MYL4: variants seen among roughly 807,000 people sequenced by gnomAD.
MYL4 encodes the protein atrial myosin light chain 1.
Under a neutral mutation model 21.6 loss-of-function variants are expected in MYL4, and 16 were observed. The ratio of observed to expected loss-of-function variants is 0.74; its 90% CI spans 0.50 to 1.12. MYL4 has a LOEUF of 1.12. Among genes scored for constraint, MYL4 ranks in the 50% most tolerant of loss-of-function variants. MYL4 has a pLI of 0.00. For synonymous variants in MYL4, 82 were observed against 95.7 expected (o/e 0.86, Z 0.83); for missense variants, 249 against 252.9 (o/e 0.98, Z 0.11).
At chr17:47,194,422 G>A in the MYL4 span, among the ~76,000 whole-genome samples, 1 of 152,190 alleles carries the variant, frequency 6.6e-6, no homozygotes, top group Non-Finnish European at 1.5e-5. Context: ...GAAAAAGGAA[G>A]GCCAGAGTGC....
chr17:47,213,267 A>C (rs903418253), intron 1 of MYL4, among the ~76,000 whole-genome samples: 44 of 152,190 alleles, frequency 2.9e-4, no homozygotes, highest in Admixed American at 2.8e-3. Flanking sequence ...GCCATCACTT[A>C]ATAAGCGGTA....
rs535742062 is a variant in MYL4, at chr17:47,222,391, A to G, written c.499A>G (p.Thr167Ala). The G allele has an allele frequency of 1.7e-5, 27 of 1,614,168 alleles. No homozygotes were observed. In the South Asian group the frequency reaches 2.9e-4, roughly 17 times the overall value. Residue 167 changes from threonine (T) to alanine (A), a missense_variant, in exon 5 of 7, where the codon ACT (threonine) becomes GCT (alanine). Thr to Ala is a moderately conservative substitution (Grantham distance 58). Transcript: ENST00000393450. Reference protein sequence around the residue: ...HVLATLGEKMTEAEVEQLLAG... With the variant: ...HVLATLGEKMAEAEVEQLLAG... The stretch of plus-strand genomic sequence containing the variant: ...CAAACCCACCGCAGGAGAGAAGATG[A>G]CTGAGGCTGAAGTGGAGCAGCTGTT...
chr17:47,189,677 G>A, the MYL4 span, among the ~76,000 whole-genome samples: 1 of 152,234 alleles, frequency 6.6e-6, no homozygotes, highest in African/African-American at 2.4e-5. Context: ...ATGAAGCAAA[G>A]GGTGAAACAG....
chr17:47,195,229 AT>A, the MYL4 span, among the ~76,000 whole-genome samples: 4,846 of 116,800 alleles, frequency 0.041, 160 homozygotes, highest in African/African-American at 0.11. Flanking sequence ...CAGTGGGCTA[AT>A]TTTTTTTTTT....
upstream of MYL4, among the ~76,000 whole-genome samples, chr17:47,206,992 A>G (rs1279659452): frequency 2.0e-5 from 3 of 152,172 alleles, no homozygotes; most frequent in African/African-American, 7.2e-5. Flanking sequence ...GGAATGGGGT[A>G]GGTCAAGGAG....
upstream of MYL4, among the ~76,000 whole-genome samples, chr17:47,205,189 A>G (rs150094147): frequency 1.3e-5 from 2 of 152,276 alleles, no homozygotes; most frequent in Non-Finnish European, 2.9e-5. Flanking sequence ...TGTGTTTTCA[A>G]TCTGCTGAAT....
chr17:47,217,352 A>G (rs12946597), intron 2 of MYL4, among the ~76,000 whole-genome samples: 102,484 of 151,618 alleles, frequency 0.68, 35,169 homozygotes, highest in East Asian at 0.86. Flanking sequence ...CAGCTACTCG[A>G]GAGGCTGAGG....
intron 1 of MYL4, among the ~76,000 whole-genome samples, chr17:47,202,639 C>G (rs73316035): frequency 0.016 from 2,464 of 152,280 alleles, 54 homozygotes; most frequent in African/African-American, 0.056. Context: ...ACTAACTCTT[C>G]TGTCAACTCA....
At chr17:47,222,628 G>A (rs1598661653) in intron 5 of MYL4, among the ~76,000 whole-genome samples, 171 bp downstream of exon 5, 4 of 152,076 alleles carry the variant, frequency 2.6e-5, no homozygotes, top group Non-Finnish European at 4.4e-5. Flanking sequence ...GTGTAATGGC[G>A]GGAGCATGGA....
chr17:47,224,714 C>T (rs66945411), downstream of MYL4, among the ~76,000 whole-genome samples: 16,357 of 152,202 alleles, frequency 0.11, 1,260 homozygotes, highest in East Asian at 0.44. Flanking sequence ...AGGTCAACCA[C>T]GGTTTGGTTT....
upstream of MYL4, among the ~76,000 whole-genome samples, chr17:47,196,255 G>A (rs55887846): frequency 0.079 from 12,079 of 152,252 alleles, 647 homozygotes; most frequent in South Asian, 0.18. Context: ...AAGGGTCATA[G>A]GAGGACACAG....
rs757348664 is a variant in MYL4 at position 47,209,392 on chromosome 17, A to G, written c.-31A>G. 1.2e-6 allele frequency: 2 copies of G among 1,613,828 alleles called. No homozygotes were observed. Among genetic ancestry groups the G allele is most frequent in the South Asian group, 2.2e-5 (2 of 91,080 alleles). The stretch of plus-strand genomic sequence containing the variant: ...ACGTCTCTCGGTTTCTTCTTAGATC[A>G]CTCCTCTGCCAAAGATCCCAACAAG... On this transcript the variant is annotated 5_prime_UTR_variant, in exon 1 of 7. Transcript: ENST00000393450.
chr17:47,222,387 G>T lies in MYL4; in HGVS notation c.495G>T (p.Lys165Asn), dbSNP rs1397460433. The change falls in exon 5 of 7, where the codon AAG becomes AAT. Residue 165 changes from lysine (K) to asparagine (N), a missense_variant. Lys to Asn is a moderately conservative substitution (Grantham distance 94, BLOSUM62 0). Transcript: ENST00000393450. ...CTCCCAAACCCACCGCAGGAGAGAAGATGACTGAGGCTGAAGTGGAGCAGC... is the reference window on the plus strand; with the variant it reads ...CTCCCAAACCCACCGCAGGAGAGAATATGACTGAGGCTGAAGTGGAGCAGC... ...LRHVLATLGE[K>N]MTEAEVEQLL... is the part of the protein sequence containing the mutation. The T allele has an allele frequency of 6.2e-7, 1 of 1,614,160 alleles. No homozygotes were observed. The highest frequency in any genetic ancestry group is 1.3e-5 in the African/African-American group (1 of 75,036).
upstream of MYL4, among the ~76,000 whole-genome samples, chr17:47,197,739 T>G (rs933833720): frequency 6.6e-6 from 1 of 152,230 alleles, no homozygotes; most frequent in Non-Finnish European, 1.5e-5. Context: ...AACTGTAGGC[T>G]AAGGTGAGTG....
chr17:47,196,656 A>G (rs2149036524), upstream of MYL4, among the ~76,000 whole-genome samples: 1 of 152,322 alleles, frequency 6.6e-6, no homozygotes, highest in East Asian at 1.9e-4. Context: ...CAGCTTCAGT[A>G]TCACATCCTC....
At chr17:47,204,851 T>G (rs1186014015), upstream of MYL4, among the ~76,000 whole-genome samples, 1 of 152,172 alleles carries the variant, frequency 6.6e-6, no homozygotes, top group African/African-American at 2.4e-5. Context: ...GTACTCTCTA[T>G]GGGGACGATT....
At chr17:47,207,810 A>G (rs1451186172), upstream of MYL4, among the ~76,000 whole-genome samples, 2 of 152,220 alleles carry the variant, frequency 1.3e-5, no homozygotes, top group Non-Finnish European at 2.9e-5. Context: ...AAAAATTTCC[A>G]TTAATACAGG....
At chr17:47,219,757 G>T in intron 2 of MYL4, 147 bp from the exon 3 acceptor site, 1 of 983,104 alleles carries the variant, frequency 1.0e-6, no homozygotes. Flanking sequence ...GGGTTCGAGG[G>T]ACGGCCTGGG....
intron 1 of MYL4, 66 bp from the exon 2 acceptor site, chr17:47,213,733 C>G (rs1325586448): frequency 3.4e-6 from 5 of 1,477,654 alleles, no homozygotes; most frequent in Non-Finnish European, 4.6e-6. Flanking sequence ...CTTCTACTTC[C>G]CTTTGGGGGG....
Sources: allele counts gnomAD v4.1 joint callset (sites outside exome capture counted in the v4.1 genomes callset), GRCh38; gene constraint gnomAD v4.1.1; transcripts MANE v1.5; gene names NCBI Gene and HGNC (gene_info 2026-07-23, HGNC 2026-07-21).